The following AGPAT3 variants were observed in gnomAD, a reference collection of about 807,000 sequenced individuals.
AGPAT3 encodes 1-acylglycerol-3-phosphate O-acyltransferase 3.
Under a neutral mutation model 47.3 loss-of-function variants are expected in AGPAT3, and 5 were observed. The observed-to-expected ratio is 0.11, with a 90% CI of 0.06 to 0.22. AGPAT3 has a LOEUF of 0.22. Ranked by LOEUF, AGPAT3 falls within the 10% of genes least tolerant of loss-of-function variation. The pLI, the probability that AGPAT3 is intolerant of heterozygous loss-of-function variation, is 1.00. For missense variants in AGPAT3, 315 were observed against 493.0 expected, an observed-to-expected ratio of 0.64 and a Z score of 3.42; for synonymous variants, 212 against 208.3, an observed-to-expected ratio of 1.02 and a Z score of -0.15.
intron 5 of AGPAT3, among the ~76,000 whole-genome samples, chr21:43,969,769 G>C (rs2089316088): frequency 6.6e-6 from 1 of 151,732 alleles, no homozygotes; most frequent in South Asian, 2.1e-4. Context: ...GCAATCTCGG[G>C]TCACTGCAAC....
rs76687206 is a variant in AGPAT3, at chr21:43,972,972, G to A, written c.767+1482G>A. On this transcript the variant is annotated intron_variant, in intron 7 of 9. Coordinates refer to ENST00000291572, the MANE Select transcript of AGPAT3 (RefSeq NM_020132.5). ...AACTGAGTGTGCGTCCTGATCAGCCGAGCCTGCCCACGGTGGCCACAGGCC... is the reference window on the plus strand; with the variant it reads ...AACTGAGTGTGCGTCCTGATCAGCCAAGCCTGCCCACGGTGGCCACAGGCC... Among the ~76,000 whole-genome samples the A allele has an allele frequency of 8.5e-3, 1,289 of 152,260 alleles. 26 individuals carry two copies. The highest frequency in any genetic ancestry group is 0.029 in the African/African-American group (1,209 of 41,532).
intron 1 of AGPAT3, among the ~76,000 whole-genome samples, chr21:43,886,611 C>T (rs907193874): frequency 1.3e-5 from 2 of 152,168 alleles, no homozygotes; most frequent in Admixed American, 6.5e-5. Context: ...CCTCCCTCTA[C>T]CCCCATATCC....
chr21:43,974,239 A>G (rs936546884), intron 7 of AGPAT3, among the ~76,000 whole-genome samples: 1 of 152,046 alleles, frequency 6.6e-6, no homozygotes, highest in African/African-American at 2.4e-5. Context: ...TGTATAAATT[A>G]TATGTGTGTA....
At chr21:43,972,301 C>T (rs550896424) in intron 7 of AGPAT3, among the ~76,000 whole-genome samples, 111 of 152,268 alleles carry the variant, frequency 7.3e-4, no homozygotes, top group Non-Finnish European at 1.1e-3. Flanking sequence ...CCCACTACCT[C>T]GCCTGGCTAA....
At chr21:43,900,695 C>G (rs2146001046) in intron 1 of AGPAT3, among the ~76,000 whole-genome samples, 1 of 152,216 alleles carries the variant, frequency 6.6e-6, no homozygotes, top group South Asian at 2.1e-4. Flanking sequence ...CGTGGGAGAG[C>G]AGGGGTGGCA....
intron 7 of AGPAT3, among the ~76,000 whole-genome samples, chr21:43,972,102 G>T (rs1176890332): frequency 6.6e-6 from 1 of 152,172 alleles, no homozygotes; most frequent in African/African-American, 2.4e-5. Flanking sequence ...AGGGACCGCA[G>T]TGTCTGAAGG....
rs10716158 is a variant in AGPAT3, at chr21:43,895,509, A to ATT, written c.-111-8428_-111-8427dup. On this transcript the variant is annotated intron_variant, in intron 1 of 9. Coordinates refer to ENST00000291572, the MANE Select transcript of AGPAT3 (RefSeq NM_020132.5). ...GCGTCAGCCTATATGTAGTGACAGG[A>ATT]TTTTTTTTTTTTTTTTTTTTTACTA... is the stretch of plus-strand genomic sequence containing the variant. 5.0e-3 allele frequency among the ~76,000 whole-genome samples: 606 copies of ATT among 122,224 alleles called. 4 individuals are homozygous for ATT. The highest frequency in any genetic ancestry group is 0.017 in the African/African-American group (559 of 32,152). The allele number at this position is 122,224 out of a possible 152,430, so 80.2% of individuals were successfully genotyped here.
chr21:43,973,187 G>C (rs1385658704), intron 7 of AGPAT3, among the ~76,000 whole-genome samples: 1 of 152,224 alleles, frequency 6.6e-6, no homozygotes, highest in African/African-American at 2.4e-5. Context: ...CTCCCGACCC[G>C]GGGTCAGTGG....
intron 1 of AGPAT3, among the ~76,000 whole-genome samples, chr21:43,876,714 A>G (rs2085741552): frequency 6.6e-6 from 1 of 152,046 alleles, no homozygotes; most frequent in Admixed American, 6.6e-5. Flanking sequence ...GTCTGGGGGG[A>G]AATTTTTTCT....
chr21:43,938,665 G>T (rs188670531), intron 2 of AGPAT3, among the ~76,000 whole-genome samples: 6 of 152,268 alleles, frequency 3.9e-5, no homozygotes, highest in Non-Finnish European at 8.8e-5. Flanking sequence ...CCAGTAAATG[G>T]TGCGCCTCAT....
At chr21:43,914,341 CCTT>C (rs2146117688) in intron 2 of AGPAT3, among the ~76,000 whole-genome samples, 1 of 152,210 alleles carries the variant, frequency 6.6e-6, no homozygotes, top group Non-Finnish European at 1.5e-5. Context: ...GGGACGTCTT[CCTT>C]CTTTATGTTC....
At chr21:43,928,085 A>C (rs1261784837) in intron 2 of AGPAT3, among the ~76,000 whole-genome samples, 1 of 152,180 alleles carries the variant, frequency 6.6e-6, no homozygotes, top group Admixed American at 6.5e-5. Flanking sequence ...AACCAGCCGG[A>C]CGCAGCTCCC....
chr21:43,867,921 A>G (rs1426364267), intron 1 of AGPAT3, among the ~76,000 whole-genome samples: 1 of 152,242 alleles, frequency 6.6e-6, no homozygotes, highest in Non-Finnish European at 1.5e-5. Flanking sequence ...CAAGTGGTAA[A>G]GTAACATGAC....
chr21:43,884,969 T>C (rs1207659351), intron 1 of AGPAT3, among the ~76,000 whole-genome samples: 1 of 152,246 alleles, frequency 6.6e-6, no homozygotes, highest in African/African-American at 2.4e-5. Context: ...GATGCCTTTG[T>C]TTTTTGTCAA....
chr21:43,878,592 A>G (rs934981881), intron 1 of AGPAT3, among the ~76,000 whole-genome samples: 7 of 152,258 alleles, frequency 4.6e-5, no homozygotes, highest in Admixed American at 4.6e-4. Flanking sequence ...ATTGCTGAGT[A>G]AAGGGTCTTG....
chr21:43,898,956 T>A (rs1393909270), intron 1 of AGPAT3, among the ~76,000 whole-genome samples: 2 of 152,178 alleles, frequency 1.3e-5, no homozygotes, highest in East Asian at 1.9e-4. Context: ...ACTCAAGTGA[T>A]CCTTGTGCCT....
Position 43,930,163 on chromosome 21 carries a change from G to C in AGPAT3, c.-49+26144G>C, listed in dbSNP as rs373679514. On this transcript the variant is annotated intron_variant, in intron 2 of 9. Transcript: ENST00000291572. The surrounding 1 kb of genome is among the most constrained non-coding windows in gnomAD (Gnocchi z 5.0). ...GAGTTATCAACCGTCACTCCACGGA[G>C]AGTCTAAGGCAGAGAGAAGTTGGGT... Among the ~76,000 whole-genome samples the C allele has an allele frequency of 4.6e-5, 7 of 152,218 alleles. No homozygotes were observed. The highest frequency in any genetic ancestry group is 4.4e-5 in the Non-Finnish European group (3 of 68,036).
intron 1 of AGPAT3, among the ~76,000 whole-genome samples, chr21:43,894,196 C>T (rs1002999180): frequency 1.3e-5 from 2 of 150,972 alleles, no homozygotes; most frequent in Non-Finnish European, 2.9e-5. Context: ...GGGCAGGGGC[C>T]AGGTATTTCT....
At chr21:43,914,482 ATTATTT>A (rs1363829521) in intron 2 of AGPAT3, among the ~76,000 whole-genome samples, 1 of 152,094 alleles carries the variant, frequency 6.6e-6, no homozygotes, top group African/African-American at 2.4e-5. Context: ...AGATATTTTA[ATTATTT>A]TTATTTAAAA....
Sources: gnomAD v4.1 joint callset for allele counts (sites outside exome capture counted in the v4.1 genomes callset) on GRCh38, gnomAD v4.1.1 for gene constraint, Gnocchi (gnomAD v3.1) non-coding constraint, MANE v1.5 for transcripts, NCBI Gene and HGNC (gene_info 2026-07-23, HGNC 2026-07-21) for gene names.